ASIC2: variants seen among roughly 807,000 people sequenced by gnomAD.
The protein encoded by ASIC2 is acid sensing ion channel subunit 2, also known as acid-sensing ion channel 2.
Under a neutral mutation model 57.3 loss-of-function variants are expected in ASIC2, and 25 were observed. That is an observed-to-expected ratio of 0.44 (90% CI 0.32 to 0.61). The LOEUF is 0.61. ASIC2 is among the 20% of genes least tolerant of loss of function. The pLI is 0.06. For missense variants in ASIC2, 641 were observed against 738.1 expected (o/e 0.87, Z 1.52); for synonymous variants, 319 against 307.5 (o/e 1.04, Z -0.39).
chr17:33,961,247 C>G (rs900433544), intron 1 of ASIC2, among the ~76,000 whole-genome samples: 4 of 152,196 alleles, frequency 2.6e-5, no homozygotes, highest in African/African-American at 9.7e-5. Context: ...GAGGAATGTG[C>G]AGCTATTGGC....
At chr17:33,799,403 T>TTTTCTTTC (rs1555562483) in intron 1 of ASIC2, among the ~76,000 whole-genome samples, 32 of 51,360 alleles carry the variant, frequency 6.2e-4, no homozygotes, top group East Asian at 1.4e-3. Flanking sequence ...TCTTTCTTTC[T>TTTTCTTTC]TTTCTTTCTT....
At chr17:33,243,155 T>C (rs1359563545) in intron 1 of ASIC2, among the ~76,000 whole-genome samples, 2 of 152,192 alleles carry the variant, frequency 1.3e-5, no homozygotes, top group East Asian at 1.9e-4. Context: ...GAGGATGAAG[T>C]TGTACATTGA....
intron 2 of ASIC2, among the ~76,000 whole-genome samples, chr17:33,110,314 C>A (rs924271567): frequency 2.0e-5 from 3 of 152,216 alleles, no homozygotes; most frequent in Non-Finnish European, 4.4e-5. Flanking sequence ...TACAGGCCCC[C>A]ACGGTCCCAG....
intron 1 of ASIC2, among the ~76,000 whole-genome samples, chr17:33,707,820 T>C (rs761157328): frequency 5.3e-5 from 8 of 152,158 alleles, no homozygotes; most frequent in African/African-American, 9.7e-5. Context: ...TGACTTCCAT[T>C]AGGATGCTCC....
chr17:33,025,856 C>G (rs2091856908), intron 5 of ASIC2, 70 bp downstream of exon 5: 2 of 1,439,370 alleles, frequency 1.4e-6, no homozygotes, highest in Middle Eastern at 1.8e-4. Context: ...TCCCCAAACC[C>G]AGATGATTTC....
chr17:33,479,481 T>C (rs186238379), intron 1 of ASIC2, among the ~76,000 whole-genome samples: 7 of 152,298 alleles, frequency 4.6e-5, no homozygotes, highest in Non-Finnish European at 1.0e-4. Flanking sequence ...ACTCAGTTAG[T>C]TAGAAAGAAA....
chr17:34,117,248 A>G (rs1911454455), intron 1 of ASIC2, among the ~76,000 whole-genome samples: 1 of 152,200 alleles, frequency 6.6e-6, no homozygotes, highest in Non-Finnish European at 1.5e-5. Flanking sequence ...CTCTGGTGGA[A>G]AAAAGATATA....
chr17:33,970,961 G>C (rs1349308576), intron 1 of ASIC2, among the ~76,000 whole-genome samples: 1 of 152,174 alleles, frequency 6.6e-6, no homozygotes, highest in Non-Finnish European at 1.5e-5. Flanking sequence ...TAGCCAGCCT[G>C]CCTTTGCTAT....
chr17:34,106,603 A>T (rs915103549), intron 1 of ASIC2, among the ~76,000 whole-genome samples: 2 of 152,132 alleles, frequency 1.3e-5, no homozygotes, highest in African/African-American at 2.4e-5. Context: ...TACCTAATGA[A>T]TCTAATATGG....
intron 1 of ASIC2, among the ~76,000 whole-genome samples, chr17:33,268,359 AT>A (rs1235142953): frequency 6.6e-6 from 1 of 150,858 alleles, no homozygotes; most frequent in Non-Finnish European, 1.5e-5. Flanking sequence ...CCATCCATCC[AT>A]CCATCCATCC....
intron 1 of ASIC2, among the ~76,000 whole-genome samples, chr17:33,913,684 A>G (rs1355270734): frequency 1.3e-5 from 2 of 152,220 alleles, no homozygotes; most frequent in Non-Finnish European, 2.9e-5. Flanking sequence ...CATATTTATC[A>G]TAAAGAGTAC....
At chr17:33,094,310 C>G (rs1446073657) in intron 2 of ASIC2, among the ~76,000 whole-genome samples, 1 of 152,112 alleles carries the variant, frequency 6.6e-6, no homozygotes, top group Non-Finnish European at 1.5e-5. Context: ...TGGAAGGCCA[C>G]AGCTCCGGGT....
chr17:34,046,723 T>C (rs1048090315), intron 1 of ASIC2, among the ~76,000 whole-genome samples: 1 of 152,206 alleles, frequency 6.6e-6, no homozygotes, highest in African/African-American at 2.4e-5. Flanking sequence ...AGCTGGGACT[T>C]AGAAAAGCAA....
chr17:33,461,934 C>T (rs952541), intron 1 of ASIC2, among the ~76,000 whole-genome samples: 1,898 of 152,330 alleles, frequency 0.012, 19 homozygotes, highest in East Asian at 0.029. Context: ...ATTCATCTAA[C>T]AAAACTTTAT....
intron 1 of ASIC2, among the ~76,000 whole-genome samples, chr17:33,856,482 G>A (rs375878283): frequency 2.6e-4 from 4 of 15,670 alleles, no homozygotes; most frequent in South Asian, 3.0e-3. Context: ...TGGTGGTGGT[G>A]GCAGTAGTAA....
intron 1 of ASIC2, among the ~76,000 whole-genome samples, chr17:33,538,564 C>A (rs1188335431): frequency 6.6e-6 from 1 of 152,334 alleles, no homozygotes; most frequent in South Asian, 2.1e-4. Context: ...GATAGAAACC[C>A]AGTTCCTCTG....
intron 1 of ASIC2, among the ~76,000 whole-genome samples, chr17:33,777,656 T>A (rs6505377): frequency 6.6e-6 from 1 of 152,064 alleles, no homozygotes; most frequent in Non-Finnish European, 1.5e-5. Context: ...TGCTGTGCGG[T>A]AACTGAAGGG....
chr17:33,917,103 C>T (rs1004006701), intron 1 of ASIC2, among the ~76,000 whole-genome samples: 1 of 152,196 alleles, frequency 6.6e-6, no homozygotes, highest in Admixed American at 6.5e-5. Flanking sequence ...CATCGCTCCT[C>T]CTGCCTTTCT....
chr17:34,086,747 GGATA>G (rs1477136534), intron 1 of ASIC2, among the ~76,000 whole-genome samples: 1 of 152,166 alleles, frequency 6.6e-6, no homozygotes, highest in Non-Finnish European at 1.5e-5. Context: ...TATATATTTA[GGATA>G]GTTAGCTCTT....
Sources: gnomAD v4.1 joint callset for allele counts (sites outside exome capture counted in the v4.1 genomes callset) on GRCh38, gnomAD v4.1.1 for gene constraint, MANE v1.5 for transcripts, NCBI Gene and HGNC (gene_info 2026-07-23, HGNC 2026-07-21) for gene names.